PDCD10: variants seen among roughly 807,000 people sequenced by gnomAD.
PDCD10 encodes programmed cell death 10, also known as programmed cell death protein 10.
A neutral mutation model predicts 29.2 loss-of-function variants in PDCD10; 4 were observed. That is an observed-to-expected ratio of 0.14 (90% CI 0.07 to 0.31). The LOEUF (loss-of-function observed/expected upper bound fraction) is 0.31. PDCD10 is among the 10% of genes least tolerant of loss of function. PDCD10 has a pLI of 1.00. For missense variants in PDCD10, 183 were observed against 257.9 expected, an observed-to-expected ratio of 0.71 and a Z score of 1.99; for synonymous variants, 70 against 82.2, an observed-to-expected ratio of 0.85 and a Z score of 0.80.
At chr3:167,704,763 A>C in intron 4 of PDCD10, 79 bp downstream of exon 4, 3 of 999,606 alleles carry the variant, frequency 3.0e-6, no homozygotes, top group Non-Finnish European at 4.8e-6. Context: ...TAAAGAAAAT[A>C]AACTGGCAAC....
chr3:167,706,281 C>T (rs763686781), intron 3 of PDCD10, among the ~76,000 whole-genome samples: 1 of 152,212 alleles, frequency 6.6e-6, no homozygotes, highest in Non-Finnish European at 1.5e-5. Flanking sequence ...CTGAGAAGCA[C>T]TTCACCAAAA....
chr3:167,693,270 G>A (rs1390049980), intron 6 of PDCD10, among the ~76,000 whole-genome samples: 2 of 152,174 alleles, frequency 1.3e-5, no homozygotes, highest in Non-Finnish European at 2.9e-5. Flanking sequence ...TTGAGGATCA[G>A]TACACAGACA....
Position 167,697,131 on chromosome 3 carries a change from A to C in PDCD10, c.151-5T>G, listed in dbSNP as rs200292264. 5.5e-6 allele frequency: 8 copies of C among 1,448,506 alleles called. No individual in the cohort carries two copies. Among genetic ancestry groups the C allele is most frequent in the Non-Finnish European group, 7.8e-6 (8 of 1,030,476 alleles). The allele number at this position is 1,448,506 out of a possible 1,614,324, so 89.7% of individuals were successfully genotyped here. Reference sequence around the variant, plus strand: ...ACCTGGATTTTCTTTTTCAGCCTATAATAAAGAGAAAACTAGTTTTGAAAT... The same window carrying C: ...ACCTGGATTTTCTTTTTCAGCCTATCATAAAGAGAAAACTAGTTTTGAAAT... On this transcript the variant is annotated splice_region_variant and splice_polypyrimidine_tract_variant and intron_variant, in intron 4 of 8. Coordinates refer to ENST00000392750, the MANE Select transcript of PDCD10 (RefSeq NM_007217.4).
chr3:167,696,139 A>G (rs981918125), intron 5 of PDCD10, among the ~76,000 whole-genome samples: 4 of 152,208 alleles, frequency 2.6e-5, no homozygotes, highest in African/African-American at 7.2e-5. Context: ...AAGATTAAAA[A>G]TTTAAAACCC....
intron 2 of PDCD10, among the ~76,000 whole-genome samples, chr3:167,733,892 A>C (rs1242538446): frequency 6.6e-6 from 1 of 152,230 alleles, no homozygotes; most frequent in Non-Finnish European, 1.5e-5. Flanking sequence ...AAAATCTGTA[A>C]AAGTTGAAAC....
intron 4 of PDCD10, among the ~76,000 whole-genome samples, chr3:167,698,499 G>C (rs537429043): frequency 6.6e-6 from 1 of 152,162 alleles, no homozygotes; most frequent in East Asian, 1.9e-4. Flanking sequence ...TCATGCCACT[G>C]CACTCCAGCC....
intron 2 of PDCD10, 139 bp from the exon 3 acceptor site, chr3:167,720,412 C>T (rs1402601542): frequency 2.3e-6 from 1 of 429,046 alleles, no homozygotes; most frequent in Middle Eastern, 7.0e-4. Flanking sequence ...TGAAAGCAAA[C>T]CTAGTTGGCA....
chr3:167,728,932 C>T (rs540918561), intron 2 of PDCD10, among the ~76,000 whole-genome samples: 2 of 152,166 alleles, frequency 1.3e-5, no homozygotes, highest in Non-Finnish European at 2.9e-5. Flanking sequence ...ATACTCCTAC[C>T]CTATGCAAGT....
intron 6 of PDCD10, among the ~76,000 whole-genome samples, chr3:167,690,027 T>C (rs13325987): frequency 0.28 from 42,007 of 151,988 alleles, 6,455 homozygotes; most frequent in African/African-American, 0.41. Flanking sequence ...AAAACCACTA[T>C]AGACAATTAA....
At chr3:167,729,588 T>C (rs916218328) in intron 2 of PDCD10, among the ~76,000 whole-genome samples, 33 of 152,312 alleles carry the variant, frequency 2.2e-4, no homozygotes, top group African/African-American at 7.9e-4. Context: ...TAATAGTGCC[T>C]CTACCTCGAA....
intron 3 of PDCD10, among the ~76,000 whole-genome samples, chr3:167,710,704 A>G (rs1276651371): frequency 2.0e-5 from 3 of 152,326 alleles, no homozygotes; most frequent in East Asian, 3.9e-4. Flanking sequence ...CCTTGAGTGA[A>G]CACAGGCTTT....
Position 167,704,804 on chromosome 3 carries a change from T to A in PDCD10, c.150+38A>T, listed in dbSNP as rs370814114. 3 of 1,378,648 alleles carry A rather than the reference T, an allele frequency of 2.2e-6. No individual in the cohort carries two copies. The African/African-American group carries it at 4.3e-5, about 20-fold the overall frequency. 85.4% of individuals were successfully genotyped at this position (1,378,648 alleles called of 1,614,324 possible). On this transcript the variant is annotated intron_variant, in intron 4 of 8. Transcript: ENST00000392750. ...CATGTACTTACATTTACAAAGAACA[T>A]ACACTTTAATAATCATAGTAAATTA...
chr3:167,721,484 G>A (rs1027685695), intron 2 of PDCD10, among the ~76,000 whole-genome samples: 1 of 152,134 alleles, frequency 6.6e-6, no homozygotes, highest in African/African-American at 2.4e-5. Context: ...ACACTGCTAG[G>A]TATGAAGTGC....
intron 3 of PDCD10, among the ~76,000 whole-genome samples, chr3:167,706,889 T>TA (rs747822154): frequency 1.4e-4 from 21 of 152,248 alleles, no homozygotes; most frequent in Non-Finnish European, 2.5e-4. Context: ...GGTAGCAAAA[T>TA]ATGTTATCTT....
At chr3:167,732,318 T>A (rs545345526) in intron 2 of PDCD10, among the ~76,000 whole-genome samples, 47 of 152,248 alleles carry the variant, frequency 3.1e-4, no homozygotes, top group Non-Finnish European at 5.1e-4. Context: ...AGACCTTACA[T>A]CCTTAAGAGA....
intron 3 of PDCD10, among the ~76,000 whole-genome samples, chr3:167,718,770 G>C (rs761833485): frequency 6.6e-6 from 1 of 151,366 alleles, no homozygotes; most frequent in Non-Finnish European, 1.5e-5. Context: ...AGGTGACCTT[G>C]ATTGATAATG....
chr3:167,720,719 T>C (rs1417868370), intron 2 of PDCD10, among the ~76,000 whole-genome samples: 1 of 152,072 alleles, frequency 6.6e-6, no homozygotes, highest in Non-Finnish European at 1.5e-5. Context: ...AAGAAAGAAC[T>C]AGGGTGTTTT....
chr3:167,717,545 A>G (rs1026343308), intron 3 of PDCD10, among the ~76,000 whole-genome samples: 7 of 136,718 alleles, frequency 5.1e-5, no homozygotes, highest in Non-Finnish European at 9.5e-5. Context: ...TTCATAGGTA[A>G]ACTATAAACA....
chr3:167,710,629 T>C (rs1406610696), intron 3 of PDCD10, among the ~76,000 whole-genome samples: 1 of 152,200 alleles, frequency 6.6e-6, no homozygotes, highest in African/African-American at 2.4e-5. Flanking sequence ...GGGGAAATTA[T>C]CATACTGAAG....
Sources: gnomAD v4.1 joint callset for allele counts (sites outside exome capture counted in the v4.1 genomes callset) on GRCh38, gnomAD v4.1.1 for gene constraint, MANE v1.5 for transcripts, NCBI Gene and HGNC (gene_info 2026-07-23, HGNC 2026-07-21) for gene names.